RANBP2: variants seen among roughly 807,000 people sequenced by gnomAD.
The protein encoded by RANBP2 is E3 SUMO-protein ligase RanBP2.
Under a neutral mutation model 303.6 loss-of-function variants are expected in RANBP2, and 57 were observed. That is an observed-to-expected ratio of 0.19 (90% confidence interval 0.15 to 0.23). RANBP2 has a LOEUF of 0.23. RANBP2 is among the 10% of genes least tolerant of loss of function. The probability of loss-of-function intolerance (pLI) is 1.00; values close to 1 mark genes in which losing one functional copy is unlikely to be tolerated. For missense variants in RANBP2, 3,138 were observed against 3,780.8 expected, an observed-to-expected ratio of 0.83 and a Z score of 4.46; for synonymous variants, 1,167 against 1,301.5, an observed-to-expected ratio of 0.90 and a Z score of 2.23.
chr2:109,502,268 G>A, the RANBP2 span: 5 of 152,216 alleles, frequency 3.3e-5, no homozygotes, highest in Non-Finnish European at 7.3e-5. Flanking sequence ...TCGCCTGCCA[G>A]TAGTATAAGC....
At chr2:109,689,299 A>C in the RANBP2 span, among the ~76,000 whole-genome samples, 15 of 152,174 alleles carry the variant, frequency 9.9e-5, no homozygotes, top group African/African-American at 3.6e-4. Flanking sequence ...GCTTTTGGAA[A>C]GACCCACAAC....
chr2:109,515,984 AC>A, the RANBP2 span, among the ~76,000 whole-genome samples: 2 of 152,208 alleles, frequency 1.3e-5, no homozygotes, highest in African/African-American at 4.8e-5. Context: ...GAGGGGACAA[AC>A]AACCAAACAT....
chr2:109,054,777 C>A, the RANBP2 span, among the ~76,000 whole-genome samples: 1 of 151,962 alleles, frequency 6.6e-6, no homozygotes, highest in East Asian at 1.9e-4. Context: ...CCAGTCAAGA[C>A]GTGGAGCGTT....
At chr2:109,254,970 C>T in the RANBP2 span, among the ~76,000 whole-genome samples, 4 of 152,190 alleles carry the variant, frequency 2.6e-5, no homozygotes, top group Admixed American at 1.3e-4. Context: ...CTATGTGGGG[C>T]TCTGTGGTTC....
At chr2:109,401,212 C>G in the RANBP2 span, among the ~76,000 whole-genome samples, 3 of 152,250 alleles carry the variant, frequency 2.0e-5, no homozygotes, top group Non-Finnish European at 4.4e-5. Flanking sequence ...TGGCCCAGAG[C>G]TGGGGTCCCT....
chr2:109,163,838 A>T, the RANBP2 span, among the ~76,000 whole-genome samples: 19 of 152,330 alleles, frequency 1.2e-4, no homozygotes, highest in African/African-American at 4.1e-4. Flanking sequence ...TGTGTTTTCC[A>T]TGATCTCTCT....
chr2:109,129,534 C>G, the RANBP2 span: 6 of 1,496,040 alleles, frequency 4.0e-6, no homozygotes, highest in Non-Finnish European at 5.3e-6. Flanking sequence ...CTGCGGGCGC[C>G]TCCCCCATGC....
chr2:109,439,881 A>G, the RANBP2 span, among the ~76,000 whole-genome samples: 1 of 152,202 alleles, frequency 6.6e-6, no homozygotes, highest in African/African-American at 2.4e-5. Context: ...AGGGCTGCAA[A>G]AGAGGCCTGC....
the RANBP2 span, among the ~76,000 whole-genome samples, chr2:109,153,247 A>T: frequency 2.0e-5 from 3 of 152,228 alleles, no homozygotes; most frequent in Non-Finnish European, 4.4e-5. Flanking sequence ...AATAAAAGAA[A>T]TTACATTAAT....
the RANBP2 span, among the ~76,000 whole-genome samples, chr2:109,487,500 C>T: frequency 6.6e-6 from 1 of 152,342 alleles, no homozygotes; most frequent in East Asian, 1.9e-4. Flanking sequence ...GGTTTTCTAG[C>T]CATGACATCA....
the RANBP2 span, among the ~76,000 whole-genome samples, chr2:108,911,615 C>T: frequency 6.6e-6 from 1 of 152,306 alleles, no homozygotes; most frequent in Admixed American, 6.5e-5. Context: ...ACCAGGCAGT[C>T]CCTCAGTCAC....
the RANBP2 span, among the ~76,000 whole-genome samples, chr2:109,235,290 G>T: frequency 5.3e-5 from 8 of 152,242 alleles, no homozygotes; most frequent in African/African-American, 1.9e-4. Flanking sequence ...TCACTGCAAG[G>T]TCTTTCTTCT....
the RANBP2 span, among the ~76,000 whole-genome samples, chr2:109,476,485 C>T: frequency 6.6e-6 from 1 of 152,232 alleles, no homozygotes; most frequent in African/African-American, 2.4e-5. Flanking sequence ...ACAAGGAGGT[C>T]TAGAACCCAA....
At chr2:109,713,910 CAATTCTCCAGGG>C in the RANBP2 span, among the ~76,000 whole-genome samples, 1 of 152,200 alleles carries the variant, frequency 6.6e-6, no homozygotes, top group Middle Eastern at 3.2e-3. Flanking sequence ...CCCCATACAG[CAATTCTCCAGGG>C]GACACCAGCT....
At chr2:109,596,509 C>T in the RANBP2 span, among the ~76,000 whole-genome samples, 43 of 151,432 alleles carry the variant, frequency 2.8e-4, no homozygotes, top group Non-Finnish European at 5.0e-4. Flanking sequence ...CCCAGCTACT[C>T]GGGAGGCTGA....
the RANBP2 span, among the ~76,000 whole-genome samples, chr2:109,334,834 T>C: frequency 1.3e-5 from 2 of 152,208 alleles, no homozygotes; most frequent in African/African-American, 2.4e-5. Context: ...CTTGCTCCCC[T>C]CAGTAGCACT....
At chr2:108,777,790 T>G (rs1245408144) in intron 25 of RANBP2, among the ~76,000 whole-genome samples, 2 of 152,150 alleles carry the variant, frequency 1.3e-5, no homozygotes, top group Non-Finnish European at 2.9e-5. Context: ...ATCCATTATA[T>G]TTTTTCATTC....
chr2:109,583,530 C>T, the RANBP2 span, among the ~76,000 whole-genome samples: 6 of 152,094 alleles, frequency 3.9e-5, no homozygotes, highest in Admixed American at 2.0e-4. Context: ...ATGCTTGTAC[C>T]CTGCTGGTGG....
At chr2:109,615,426 G>A in the RANBP2 span, 3 of 1,613,056 alleles carry the variant, frequency 1.9e-6, no homozygotes, top group South Asian at 3.3e-5. Context: ...CGCCAAGCAC[G>A]GCAGGCAGGA....
Sources: gnomAD v4.1 joint callset for allele counts (sites outside exome capture counted in the v4.1 genomes callset) on GRCh38, gnomAD v4.1.1 for gene constraint, MANE v1.5 for transcripts, NCBI Gene and HGNC (gene_info 2026-07-23, HGNC 2026-07-21) for gene names.